Variants in CRTAC1 observed in about 807,000 individuals in gnomAD.
The protein encoded by CRTAC1 is acidic secreted protein in cartilage.
In CRTAC1, 37 loss-of-function variants were observed where a neutral mutation model predicts 67.8. The observed-to-expected ratio is 0.55, with a 90% CI of 0.42 to 0.72. CRTAC1 has a LOEUF of 0.72. CRTAC1 is among the 30% of genes least tolerant of loss of function. The probability of loss-of-function intolerance (pLI) is 0.00; values close to 1 mark genes in which losing one functional copy is unlikely to be tolerated. For missense variants in CRTAC1, 780 were observed against 931.6 expected, an observed-to-expected ratio of 0.84 and a Z score of 2.12; for synonymous variants, 348 against 371.0, an observed-to-expected ratio of 0.94 and a Z score of 0.71.
chr10:97,998,516 T>C (rs1842628204), intron 2 of CRTAC1, among the ~76,000 whole-genome samples: 4 of 152,130 alleles, frequency 2.6e-5, no homozygotes, highest in Admixed American at 2.6e-4. Context: ...CATGGAATAA[T>C]AGCCATCAAC....
At chr10:97,927,116 C>G (rs1290165313) in intron 3 of CRTAC1, among the ~76,000 whole-genome samples, 1 of 152,194 alleles carries the variant, frequency 6.6e-6, no homozygotes, top group Non-Finnish European at 1.5e-5. Flanking sequence ...AGAAATTTCT[C>G]AAGCTGCAGA....
chr10:98,013,111 A>G (rs573266959), intron 1 of CRTAC1, among the ~76,000 whole-genome samples: 6 of 152,324 alleles, frequency 3.9e-5, no homozygotes, highest in African/African-American at 1.4e-4. Flanking sequence ...TCTGAAGGTC[A>G]TTGGACTTTT....
At chr10:97,905,790 A>C (rs765115411) in intron 6 of CRTAC1, among the ~76,000 whole-genome samples, 2 of 152,226 alleles carry the variant, frequency 1.3e-5, no homozygotes, top group Non-Finnish European at 2.9e-5. Flanking sequence ...AGAGAAGCCC[A>C]CAGCATGCCT....
At chr10:97,902,706 G>A (rs763404632) in intron 7 of CRTAC1, among the ~76,000 whole-genome samples, 9 of 152,204 alleles carry the variant, frequency 5.9e-5, no homozygotes, top group Admixed American at 2.0e-4. Flanking sequence ...GAAAGGTACA[G>A]GTGGTGTCTC....
At chr10:97,926,788 G>A (rs1433226627) in intron 3 of CRTAC1, among the ~76,000 whole-genome samples, 2 of 152,190 alleles carry the variant, frequency 1.3e-5, no homozygotes, top group African/African-American at 2.4e-5. Flanking sequence ...CTCTCGAGAA[G>A]GGACTTGGAC....
At position 98,030,338 on chromosome 10, in the gene CRTAC1, C is replaced by T. The variant is rs753444743; in HGVS notation, c.24+111G>A. 11 of 666,108 alleles carry T rather than the reference C, an allele frequency of 1.7e-5. No individual in the cohort carries two copies. Among genetic ancestry groups the T allele is most frequent in the Non-Finnish European group, 2.4e-5 (11 of 459,362 alleles). 41.3% of individuals were successfully genotyped at this position (666,108 alleles called of 1,614,324 possible). A position where few individuals can be genotyped will look rare whatever the true frequency, so the allele number is the denominator to read the frequency against. On this transcript the variant is annotated intron_variant, in intron 1 of 14. Transcript: ENST00000370597. The surrounding 1 kb of genome is among the most constrained non-coding windows in gnomAD (Gnocchi z 4.2). The stretch of plus-strand genomic sequence containing the variant: ...GCCGCCTTCGCGATCCCAGTCTTCC[C>T]GGGTTCCCGGGCGGCGTCCCCGCCA...
chr10:98,013,397 G>A (rs1842943724), intron 1 of CRTAC1, among the ~76,000 whole-genome samples: 1 of 152,154 alleles, frequency 6.6e-6, no homozygotes, highest in African/African-American at 2.4e-5. Flanking sequence ...TCCAGTGAAG[G>A]CCCTAAGAGT....
rs190427895 is a variant in CRTAC1 at position 98,013,671 on chromosome 10, A to G, written c.25-2334T>C. ...TTTCTGGCTCTAAAATTCTATGATG[A>G]ATTAAAAGATTTTGTTTTTTGGATG... On this transcript the variant is annotated intron_variant, in intron 1 of 14. Coordinates refer to ENST00000370597, the MANE Select transcript of CRTAC1 (RefSeq NM_018058.7). Among the ~76,000 whole-genome samples, 7 of 152,306 alleles carry G rather than the reference A, an allele frequency of 4.6e-5. No homozygotes were observed. The East Asian group carries it at 1.4e-3, about 29-fold the overall frequency.
At chr10:97,897,039 T>C (rs2050471396) in intron 8 of CRTAC1, 48 bp from the exon 9 acceptor site, 1 of 1,413,000 alleles carries the variant, frequency 7.1e-7, no homozygotes, top group Non-Finnish European at 9.7e-7. Context: ...CAGAGGCCGC[T>C]GGACCAGAAG....
intron 7 of CRTAC1, among the ~76,000 whole-genome samples, chr10:97,904,207 T>C (rs2050578280): frequency 6.6e-6 from 1 of 152,016 alleles, no homozygotes; most frequent in African/African-American, 2.4e-5. Context: ...CTTCCTACTC[T>C]TGGATCCAGA....
At chr10:97,899,006 G>A (rs2050498261) in intron 8 of CRTAC1, among the ~76,000 whole-genome samples, 1 of 152,172 alleles carries the variant, frequency 6.6e-6, no homozygotes, top group South Asian at 2.1e-4. Context: ...AGGACGTGCA[G>A]ACTCAAGCAC....
intron 4 of CRTAC1, among the ~76,000 whole-genome samples, chr10:97,918,797 T>G (rs138356937): frequency 5.1e-5 from 1 of 19,536 alleles, no homozygotes; most frequent in Non-Finnish European, 2.3e-4. Context: ...TGTTTTTTGT[T>G]TTTTTTTTTT....
chr10:97,902,006 C>T (rs181443148), intron 7 of CRTAC1, among the ~76,000 whole-genome samples: 106 of 152,290 alleles, frequency 7.0e-4, no homozygotes, highest in South Asian at 1.9e-3. Context: ...TGCGATGTCA[C>T]AGCTACTGAG....
At chr10:97,926,385 G>A (rs910831286) in intron 3 of CRTAC1, among the ~76,000 whole-genome samples, 2 of 152,208 alleles carry the variant, frequency 1.3e-5, no homozygotes, top group Non-Finnish European at 2.9e-5. Context: ...CGTCGTTGTG[G>A]GAATTACACG....
intron 2 of CRTAC1, among the ~76,000 whole-genome samples, chr10:97,959,365 C>A (rs953634107): frequency 1.3e-5 from 2 of 152,224 alleles, no homozygotes; most frequent in Admixed American, 6.5e-5. Context: ...AACTTAAGCA[C>A]AACTTAGAAT....
intron 2 of CRTAC1, among the ~76,000 whole-genome samples, chr10:98,010,173 G>A (rs1178734123): frequency 6.6e-6 from 1 of 151,940 alleles, no homozygotes; most frequent in Non-Finnish European, 1.5e-5. Flanking sequence ...CTGAGTAGCT[G>A]GGATTACATG....
chr10:97,865,823 TGGGAGGGA>T, intron 14 of CRTAC1, 109 bp from the exon 15 acceptor site: 58 of 423,938 alleles, frequency 1.4e-4, no homozygotes, highest in East Asian at 5.4e-4. Context: ...CTGCCCGGGG[TGGGAGGGA>T]GGGTGACGGG....
chr10:97,999,965 T>C (rs1212877227), intron 2 of CRTAC1, among the ~76,000 whole-genome samples: 1 of 152,112 alleles, frequency 6.6e-6, no homozygotes, highest in Non-Finnish European at 1.5e-5. Flanking sequence ...GCCCAGATGA[T>C]GGAATGACCA....
chr10:97,981,434 A>T (rs1287425541), intron 2 of CRTAC1, among the ~76,000 whole-genome samples: 2 of 152,208 alleles, frequency 1.3e-5, no homozygotes, highest in African/African-American at 4.8e-5. Context: ...TGATATCATA[A>T]ATATTTCTCC....
Sources: gnomAD v4.1 joint callset for allele counts (sites outside exome capture counted in the v4.1 genomes callset) on GRCh38, gnomAD v4.1.1 for gene constraint, Gnocchi (gnomAD v3.1) non-coding constraint, MANE v1.5 for transcripts, NCBI Gene and HGNC (gene_info 2026-07-23, HGNC 2026-07-21) for gene names.